The following VPS13D variants were observed in gnomAD, a reference collection of about 807,000 sequenced individuals.
VPS13D encodes intermembrane lipid transfer protein VPS13D.
A neutral mutation model predicts 461.9 loss-of-function variants in VPS13D; 187 were observed. The ratio of observed to expected loss-of-function variants is 0.40; its 90% CI spans 0.36 to 0.46. VPS13D has a LOEUF of 0.46. VPS13D is among the 20% of genes least tolerant of loss of function. VPS13D has a pLI of 0.60. For synonymous variants in VPS13D, 1,951 were observed against 1,986.3 expected, an observed-to-expected ratio of 0.98 and a Z score of 0.47; for missense variants, 4,711 against 5,364.9, an observed-to-expected ratio of 0.88 and a Z score of 3.81.
In VPS13D at chr1:12,511,080, C is replaced by G. The variant is rs1646176069; in HGVS notation, c.*2056C>G. On this transcript the variant is annotated 3_prime_UTR_variant, in exon 70 of 70. Transcript: ENST00000620676. This position sits in a 1 kb window ranked among gnomAD's most constrained non-coding sequence, Gnocchi z 4.5. Reference sequence around the variant, plus strand: ...GCAGCAGTGCTGGGTGTTCTCAGACCTGACTGAGGAAGTTAGCTGCGGGCT... The same window carrying G: ...GCAGCAGTGCTGGGTGTTCTCAGACGTGACTGAGGAAGTTAGCTGCGGGCT... 6.6e-6 allele frequency: 1 copy of G among 152,236 alleles called. No homozygotes were observed. The highest frequency in any genetic ancestry group is 1.5e-5 in the Non-Finnish European group (1 of 68,076). 9.4% of individuals were successfully genotyped at this position (152,236 alleles called of 1,614,324 possible).
chr1:12,485,440 T>A (rs1645785051), intron 67 of VPS13D, among the ~76,000 whole-genome samples: 1 of 152,204 alleles, frequency 6.6e-6, no homozygotes, highest in Non-Finnish European at 1.5e-5. Flanking sequence ...CCCTGCCGTG[T>A]CATATGGCAC....
rs781711886 is a variant in VPS13D, at chr1:12,368,579, C to T, written c.10560C>T (p.Asp3520=). 6.2e-7 allele frequency: 1 copy of T among 1,612,854 alleles called. No homozygotes were observed. The highest frequency in any genetic ancestry group is 1.1e-5 in the South Asian group (1 of 90,844). ...TDQLPPPFRI[D]NFSKVPVVFT... is the part of the protein sequence containing the mutation. The stretch of plus-strand genomic sequence containing the variant: ...AGTTACCTCCTCCTTTCCGAATTGA[C>T]AACTTTTCTAAGGTATCAAGTGGAG... The change falls in exon 53 of 70, where the codon GAC becomes GAT. Residue 3520 remains aspartate (D), a synonymous_variant. Coordinates refer to ENST00000620676, the MANE Select transcript of VPS13D (RefSeq NM_015378.4).
At chr1:12,369,015 A>T (rs562261567) in intron 53 of VPS13D, among the ~76,000 whole-genome samples, 1 of 152,326 alleles carries the variant, frequency 6.6e-6, no homozygotes, top group South Asian at 2.1e-4. Flanking sequence ...TTTTATTTTA[A>T]TTATGCTTTC....
At chr1:12,242,359 G>A (rs536888000) in intron 2 of VPS13D, among the ~76,000 whole-genome samples, 154 bp from the exon 3 acceptor site, 1 of 152,184 alleles carries the variant, frequency 6.6e-6, no homozygotes, top group Non-Finnish European at 1.5e-5. Flanking sequence ...ACATGATGTA[G>A]CCCGTTCTAG....
chr1:12,415,550 G>A (rs1053188901), intron 64 of VPS13D, among the ~76,000 whole-genome samples: 1 of 149,602 alleles, frequency 6.7e-6, no homozygotes, highest in African/African-American at 2.4e-5. Context: ...CCTTCTTTCA[G>A]CAACTACACC....
chr1:12,490,818 C>A (rs544576345), intron 67 of VPS13D, among the ~76,000 whole-genome samples: 3 of 124,428 alleles, frequency 2.4e-5, no homozygotes, highest in Non-Finnish European at 5.2e-5. Flanking sequence ...AGGTCCAAGA[C>A]AGATGCAGCC....
At chr1:12,238,109 T>A (rs1274712952) in intron 2 of VPS13D, among the ~76,000 whole-genome samples, 1 of 149,060 alleles carries the variant, frequency 6.7e-6, no homozygotes, top group Non-Finnish European at 1.5e-5. Flanking sequence ...AGCTGCGATG[T>A]CACCACTGTA....
chr1:12,405,049 T>TA (rs1221439649), intron 63 of VPS13D, among the ~76,000 whole-genome samples: 1 of 152,224 alleles, frequency 6.6e-6, no homozygotes, highest in Non-Finnish European at 1.5e-5. Context: ...TATGAGCAGA[T>TA]AAGAAGTAAG....
At chr1:12,500,601 A>ATTTAATTTT in intron 68 of VPS13D, among the ~76,000 whole-genome samples, 1 of 152,244 alleles carries the variant, frequency 6.6e-6, no homozygotes, top group Admixed American at 6.5e-5. Flanking sequence ...AATTAAGACA[A>ATTTAATTTT]TTTAAATTGT....
chr1:12,272,514 A>T (rs1641478908), intron 17 of VPS13D, among the ~76,000 whole-genome samples: 1 of 152,142 alleles, frequency 6.6e-6, no homozygotes, highest in African/African-American at 2.4e-5. Context: ...TGCCACATAC[A>T]TACAGTTGAG....
Position 12,283,078 on chromosome 1 carries a change from C to T in VPS13D, c.4976C>T (p.Pro1659Leu), listed in dbSNP as rs1051707993. The change falls in exon 21 of 70, where the codon CCC becomes CTC. Residue 1659 changes from proline to leucine, a missense_variant. Around this residue, in one of 3 missense-constraint regions of VPS13D, gnomAD observed 4,411 missense variants for 4,937.8 expected, o/e 0.89. Transcript: ENST00000620676. ...DFEVEFSKDH[P>L]QTLSIQIALH... ...GAGGTGGAATTCAGTAAAGACCATC[C>T]CCAGACTTTATCTATTCAGATTGCC... is the stretch of plus-strand genomic sequence containing the variant. The T allele has an allele frequency of 6.2e-7, 1 of 1,614,092 alleles. No individual in the cohort carries two copies. Among genetic ancestry groups the T allele is most frequent in the Non-Finnish European group, 8.5e-7 (1 of 1,180,014 alleles).
At chr1:12,242,421 A>G (rs1240154105) in intron 2 of VPS13D, 92 bp from the exon 3 acceptor site, 23 of 1,171,862 alleles carry the variant, frequency 2.0e-5, no homozygotes, top group Middle Eastern at 5.0e-4. Context: ...CTATATGTAA[A>G]ACTTTCCCTT....
At chr1:12,231,870 C>T (rs911501877) in intron 1 of VPS13D, among the ~76,000 whole-genome samples, 8 of 152,128 alleles carry the variant, frequency 5.3e-5, no homozygotes, top group Non-Finnish European at 1.2e-4. Context: ...TGCCTGTAAT[C>T]CCAGCTACTC....
Position 12,461,007 on chromosome 1 carries a change from T to G in VPS13D, c.12662+611T>G, listed in dbSNP as rs72869505. On this transcript the variant is annotated intron_variant, in intron 67 of 69. Transcript: ENST00000620676. ...GTCTGGCCTTGATACCAGCTGAGAC[T>G]GGAAATCAGGGACAGCCCATATGGT... 4.3e-3 allele frequency among the ~76,000 whole-genome samples: 662 copies of G among 152,324 alleles called. 5 individuals are homozygous for G. Among genetic ancestry groups the G allele is most frequent in the African/African-American group, 0.015 (623 of 41,560 alleles).
At chr1:12,314,722 A>G (rs954717024) in intron 30 of VPS13D, among the ~76,000 whole-genome samples, 22 of 152,232 alleles carry the variant, frequency 1.4e-4, no homozygotes, top group Non-Finnish European at 2.1e-4. Flanking sequence ...TACCCATTCA[A>G]GTCTTACTGA....
rs375749880 is a variant in VPS13D, at chr1:12,266,959, G to A, written c.1673G>A (p.Arg558Gln). Residue 558 changes from arginine to glutamine, a missense_variant, in exon 14 of 70, where the codon CGA becomes CAA. Transcript: ENST00000620676. ...LSVRLGGLFLRDLATEGTMFP... is the reference protein window; with the variant it reads ...LSVRLGGLFLQDLATEGTMFP... The stretch of plus-strand genomic sequence containing the variant: ...GTCCGGTTGGGTGGACTGTTTCTTC[G>A]AGACCTGGCTACAGAAGGAACTATG... The A allele has an allele frequency of 4.3e-6, 7 of 1,610,806 alleles. No homozygotes were observed. Among genetic ancestry groups the A allele is most frequent in the African/African-American group, 2.7e-5 (2 of 74,872 alleles).
At chr1:12,367,250 TTTGG>T (rs1644048563) in intron 52 of VPS13D, among the ~76,000 whole-genome samples, 1 of 152,244 alleles carries the variant, frequency 6.6e-6, no homozygotes, top group Admixed American at 6.5e-5. Flanking sequence ...TGTCTGTAGA[TTTGG>T]GTCAAATATT....
At chr1:12,477,049 C>T (rs1194981524) in intron 67 of VPS13D, among the ~76,000 whole-genome samples, 8 of 152,182 alleles carry the variant, frequency 5.3e-5, no homozygotes, top group East Asian at 1.9e-4. Context: ...TGCTTCTGCC[C>T]GGAATTGGAA....
At chr1:12,393,149 A>G (rs749014779) in intron 60 of VPS13D, among the ~76,000 whole-genome samples, 2 of 152,202 alleles carry the variant, frequency 1.3e-5, no homozygotes, top group African/African-American at 4.8e-5. Context: ...TTTATTTCCT[A>G]TCCTCTGGCA....
Sources: allele counts gnomAD v4.1 joint callset (sites outside exome capture counted in the v4.1 genomes callset), GRCh38; gene constraint gnomAD v4.1.1; regional missense constraint gnomAD v4.1.1; non-coding constraint Gnocchi (gnomAD v3.1); transcripts MANE v1.5; gene names NCBI Gene and HGNC (gene_info 2026-07-23, HGNC 2026-07-21).